PRKAA2: variants seen among roughly 807,000 people sequenced by gnomAD.
PRKAA2 encodes protein kinase AMP-activated catalytic subunit alpha 2, also known as 5'-AMP-activated protein kinase catalytic subunit alpha-2.
PRKAA2 carries 40 observed loss-of-function variants against 56.3 expected under a neutral mutation model. The observed-to-expected ratio is 0.71, with a 90% CI of 0.55 to 0.92. The LOEUF (loss-of-function observed/expected upper bound fraction) is 0.92. Among genes scored for constraint, PRKAA2 ranks in the 40% least tolerant of loss-of-function variants. The pLI is 0.00. For synonymous variants in PRKAA2, 214 were observed against 234.2 expected, an observed-to-expected ratio of 0.91 and a Z score of 0.79; for missense variants, 542 against 686.9, an observed-to-expected ratio of 0.79 and a Z score of 2.36.
intron 1 of PRKAA2, among the ~76,000 whole-genome samples, chr1:56,656,367 T>C (rs987430302): frequency 2.0e-5 from 3 of 152,094 alleles, no homozygotes; most frequent in African/African-American, 7.2e-5. Context: ...TTTAATAGAG[T>C]TTCTCTGGAC....
chr1:56,687,608 T>G lies in PRKAA2; in HGVS notation c.237-3786T>G, dbSNP rs527779825. Reference sequence around the variant, plus strand: ...TGATGGGTTTGTAGGTATTACATTATTAAAAATAGTAATTAAATAAAAGGT... The same window carrying G: ...TGATGGGTTTGTAGGTATTACATTAGTAAAAATAGTAATTAAATAAAAGGT... On this transcript the variant is annotated intron_variant, in intron 2 of 8. Transcript: ENST00000371244. Among the ~76,000 whole-genome samples, 6 of 152,162 alleles carry G rather than the reference T, an allele frequency of 3.9e-5. No homozygotes were observed. In the East Asian group the frequency reaches 1.2e-3, roughly 29 times the overall value.
chr1:56,685,470 T>C (rs1261714713), intron 2 of PRKAA2, among the ~76,000 whole-genome samples: 7 of 152,308 alleles, frequency 4.6e-5, no homozygotes, highest in African/African-American at 1.7e-4. Flanking sequence ...CATTCATTAC[T>C]AGACTATGCA....
rs1359425212 is a variant in PRKAA2, at chr1:56,706,172, C to G, written c.1374C>G (p.Tyr458Ter). ...GNYVKMSLQL[Y>*]LVDNRSYLLD... ...ACGTGAAAATGAGCTTACAACTTTA[C>G]CTGGTTGATAACAGGAGCTATCTTT... Residue 458 changes from tyrosine (Y) to a stop codon, truncating the protein, a stop_gained, in exon 8 of 9, where the codon TAC (tyrosine) becomes TAG (stop). Coordinates refer to ENST00000371244, the MANE Select transcript of PRKAA2 (RefSeq NM_006252.4). LOFTEE classifies it high-confidence loss of function. 1 of 1,613,746 alleles carries G rather than the reference C, an allele frequency of 6.2e-7. No homozygotes were observed. Among genetic ancestry groups the G allele is most frequent in the South Asian group, 1.1e-5 (1 of 91,062 alleles).
At position 56,709,084 on chromosome 1, in the gene PRKAA2, TATTC is replaced by T. The variant is rs1402148894; in HGVS notation, c.*1375_*1378del. The T allele has an allele frequency of 6.6e-6, 1 of 152,186 alleles. No homozygotes were observed. The highest frequency in any genetic ancestry group is 2.4e-5 in the African/African-American group (1 of 41,462). The allele number at this position is 152,186 out of a possible 1,614,324, so 9.4% of individuals were successfully genotyped here. The stretch of plus-strand genomic sequence containing the variant: ...CTGTGTAATTTATCTAATTTGTATT[TATTC>T]ATTTGTTATTTTTATGTTGTAATTA... On this transcript the variant is annotated 3_prime_UTR_variant, in exon 9 of 9. Coordinates refer to ENST00000371244, the MANE Select transcript of PRKAA2 (RefSeq NM_006252.4).
chr1:56,658,662 A>T (rs1415716790), intron 1 of PRKAA2, among the ~76,000 whole-genome samples: 1 of 136,840 alleles, frequency 7.3e-6, no homozygotes, highest in Non-Finnish European at 1.5e-5. Flanking sequence ...CCCAGGCTGG[A>T]GTATAGTGGC....
At chr1:56,700,669 G>A (rs900298489) in intron 6 of PRKAA2, among the ~76,000 whole-genome samples, 11 of 152,158 alleles carry the variant, frequency 7.2e-5, no homozygotes, top group Non-Finnish European at 1.3e-4. Flanking sequence ...CTGGGGAGAA[G>A]GCTGTTTGCA....
chr1:56,668,983 T>A (rs1644055951), intron 1 of PRKAA2, among the ~76,000 whole-genome samples: 1 of 152,196 alleles, frequency 6.6e-6, no homozygotes, highest in African/African-American at 2.4e-5. Flanking sequence ...AGGAGTGGCT[T>A]AAAAGCTTTA....
At position 56,695,594 on chromosome 1, in the gene PRKAA2, C is replaced by CTAT. The variant is rs1644254209; in HGVS notation, c.564-340_564-338dup. Among the ~76,000 whole-genome samples the CTAT allele has an allele frequency of 2.0e-5, 3 of 152,162 alleles. No homozygotes were observed. The South Asian group carries it at 6.2e-4, about 32-fold the overall frequency. Reference sequence around the variant, plus strand: ...TAGTTCTTTGGGAAAAAGATTTAACCTATACACCATAGTATTTTTTCAAGT... The same window carrying CTAT: ...TAGTTCTTTGGGAAAAAGATTTAACCTATTATACACCATAGTATTTTTTCAAGT... On this transcript the variant is annotated intron_variant, in intron 5 of 8. Coordinates refer to ENST00000371244, the MANE Select transcript of PRKAA2 (RefSeq NM_006252.4).
At chr1:56,673,579 A>G (rs775492857) in intron 1 of PRKAA2, among the ~76,000 whole-genome samples, 17 of 152,210 alleles carry the variant, frequency 1.1e-4, no homozygotes, top group Non-Finnish European at 7.3e-5. Flanking sequence ...CCTGAACAGT[A>G]TTTAAAGATA....
At chr1:56,697,887 G>A (rs1644269311) in intron 6 of PRKAA2, among the ~76,000 whole-genome samples, 1 of 151,778 alleles carries the variant, frequency 6.6e-6, no homozygotes, top group Non-Finnish European at 1.5e-5. Context: ...TACTTCAGAA[G>A]AAAAATGTAA....
At chr1:56,688,592 C>G (rs1004285172) in intron 2 of PRKAA2, among the ~76,000 whole-genome samples, 2 of 152,106 alleles carry the variant, frequency 1.3e-5, no homozygotes, top group Non-Finnish European at 2.9e-5. Flanking sequence ...TCAGTGAAAA[C>G]AGCTTATACA....
At chr1:56,672,213 G>C (rs72666493) in intron 1 of PRKAA2, among the ~76,000 whole-genome samples, 32,572 of 151,958 alleles carry the variant, frequency 0.21, 4,015 homozygotes, top group South Asian at 0.46. Flanking sequence ...CGCCTCCCAG[G>C]CTCAAGGGAT....
chr1:56,705,466 G>A (rs778018888), intron 7 of PRKAA2, among the ~76,000 whole-genome samples: 33 of 151,796 alleles, frequency 2.2e-4, no homozygotes, highest in Non-Finnish European at 1.5e-4. Context: ...GTGCAGTGGC[G>A]CGATCTTGGC....
intron 1 of PRKAA2, among the ~76,000 whole-genome samples, chr1:56,653,069 G>A (rs1206338248): frequency 6.6e-6 from 1 of 151,984 alleles, no homozygotes; most frequent in Non-Finnish European, 1.5e-5. Context: ...AAAAGTGAAT[G>A]TACACACATT....
rs1212031142 is a variant in PRKAA2, at chr1:56,713,723, TA to T, written c.*6011del. 7.0e-6 allele frequency: 1 copy of T among 142,674 alleles called. No homozygotes were observed. The highest frequency in any genetic ancestry group is 2.4e-5 in the African/African-American group (1 of 40,986). 8.8% of individuals were successfully genotyped at this position (142,674 alleles called of 1,614,324 possible). On this transcript the variant is annotated 3_prime_UTR_variant, in exon 9 of 9. Coordinates refer to ENST00000371244, the MANE Select transcript of PRKAA2 (RefSeq NM_006252.4). ...TTCTAGCCAAGGAGAATTGCATTGTTATTTTTTTTTCTACTAATTTAAACGT... is the reference window on the plus strand; with the variant it reads ...TTCTAGCCAAGGAGAATTGCATTGTTTTTTTTTTTCTACTAATTTAAACGT...
At chr1:56,704,621 A>C in intron 7 of PRKAA2, 146 bp downstream of exon 7, 2 of 936,812 alleles carry the variant, frequency 2.1e-6, no homozygotes, top group Non-Finnish European at 3.0e-6. Flanking sequence ...AACCTCTATA[A>C]GGATGAAAAG....
intron 6 of PRKAA2, among the ~76,000 whole-genome samples, chr1:56,701,881 G>A (rs577200855): frequency 3.3e-5 from 5 of 151,280 alleles, no homozygotes; most frequent in South Asian, 4.2e-4. Flanking sequence ...GTGACTGAGC[G>A]AGACTCTGTC....
chr1:56,677,959 G>A (rs1237424633), intron 2 of PRKAA2, among the ~76,000 whole-genome samples: 21 of 152,038 alleles, frequency 1.4e-4, no homozygotes, highest in South Asian at 2.1e-4. Flanking sequence ...GCCCAGGCCC[G>A]AAGACTTATT....
At position 56,709,992 on chromosome 1, in the gene PRKAA2, T is replaced by G. The variant is rs1383464841; in HGVS notation, c.*2279T>G. The stretch of plus-strand genomic sequence containing the variant: ...CTATTTTGTGAATCTAGGTGGTTGG[T>G]TTTTAGAAGATTTCAGGAGATGCAG... On this transcript the variant is annotated 3_prime_UTR_variant, in exon 9 of 9. Transcript: ENST00000371244. The G allele has an allele frequency of 6.6e-6, 1 of 152,064 alleles. No individual in the cohort carries two copies. The highest frequency in any genetic ancestry group is 1.5e-5 in the Non-Finnish European group (1 of 67,962). 9.4% of individuals were successfully genotyped at this position (152,064 alleles called of 1,614,324 possible).
Sources: gnomAD v4.1 joint callset for allele counts (sites outside exome capture counted in the v4.1 genomes callset) on GRCh38, gnomAD v4.1.1 for gene constraint, MANE v1.5 for transcripts, NCBI Gene and HGNC (gene_info 2026-07-23, HGNC 2026-07-21) for gene names.